MMP2: variants seen among roughly 807,000 people sequenced by gnomAD.
The protein encoded by MMP2 is matrix metallopeptidase 2.
In MMP2, 39 loss-of-function variants were observed where a neutral mutation model predicts 74.8. The observed-to-expected ratio is 0.52, with a 90% CI of 0.40 to 0.68. The LOEUF is 0.68. Among genes scored for constraint, MMP2 ranks in the 30% least tolerant of loss-of-function variants. The pLI, the probability that MMP2 is intolerant of heterozygous loss-of-function variation, is 0.00. For synonymous variants in MMP2, 367 were observed against 339.8 expected (o/e 1.08, Z -0.88); for missense variants, 803 against 878.3 (o/e 0.91, Z 1.08).
chr16:55,481,785 G>A, intron 1 of MMP2: 1 of 720,794 alleles, frequency 1.4e-6, no homozygotes. Context: ...ATGATGTTAG[G>A]CAAGTGACTT....
intron 12 of MMP2, among the ~76,000 whole-genome samples, chr16:55,503,482 G>T (rs1401668714): frequency 6.6e-6 from 1 of 151,626 alleles, no homozygotes; most frequent in Admixed American, 6.6e-5. Context: ...TTTTAGAGGA[G>T]ATTTCAACTA....
At chr16:55,500,545 G>A (rs538575526) in intron 11 of MMP2, among the ~76,000 whole-genome samples, 2 of 66,966 alleles carry the variant, frequency 3.0e-5, no homozygotes, top group Admixed American at 1.4e-4. Context: ...ACACAGGCAT[G>A]GAGGTTGTGG....
rs1363750339 is a variant in MMP2, at chr16:55,488,518, C to A, written c.833-25C>A. 3 of 1,609,488 alleles carry A rather than the reference C, an allele frequency of 1.9e-6. No homozygotes were observed. The South Asian group carries it at 3.3e-5, about 18-fold the overall frequency. On this transcript the variant is annotated intron_variant, in intron 5 of 12. Coordinates refer to ENST00000219070, the MANE Select transcript of MMP2 (RefSeq NM_004530.6). ...CCATGGAAGCATGTCTCATTCACAT[C>A]CTTCCCTCTCTCCCCCACCCTTAGC...
At position 55,481,967 on chromosome 16, in the gene MMP2, A is replaced by G. The variant is rs573003914; in HGVS notation, c.154-942A>G. The G allele has an allele frequency of 2.4e-5, 15 of 631,940 alleles. No homozygotes were observed. In the African/African-American group the frequency reaches 2.8e-4, roughly 12 times the overall value. 39.1% of individuals were successfully genotyped at this position (631,940 alleles called of 1,614,324 possible). A position where few individuals can be genotyped will look rare whatever the true frequency, so the allele number is the denominator to read the frequency against. Reference sequence around the variant, plus strand: ...TTCCCCTTTCCTAACTACTTCCAACAAGGCTAGGACCGTTGTCAGAAGATC... The same window carrying G: ...TTCCCCTTTCCTAACTACTTCCAACGAGGCTAGGACCGTTGTCAGAAGATC... On this transcript the variant is annotated intron_variant, in intron 1 of 12. Coordinates refer to ENST00000219070, the MANE Select transcript of MMP2 (RefSeq NM_004530.6).
At chr16:55,504,820 T>G (rs1962756748) in intron 12 of MMP2, among the ~76,000 whole-genome samples, 1 of 151,804 alleles carries the variant, frequency 6.6e-6, no homozygotes, top group East Asian at 2.0e-4. Flanking sequence ...GCCCGGCTAA[T>G]TTTTTGTATT....
At chr16:55,485,817 G>C (rs955830050) in intron 5 of MMP2, 40 bp downstream of exon 5, 2 of 1,605,088 alleles carry the variant, frequency 1.2e-6, no homozygotes, top group Non-Finnish European at 1.7e-6. Flanking sequence ...TCCACCCCAA[G>C]CCTCCAGCTT....
chr16:55,495,634 G>A (rs1193411153), intron 9 of MMP2, among the ~76,000 whole-genome samples: 2 of 152,186 alleles, frequency 1.3e-5, no homozygotes, highest in African/African-American at 4.8e-5. Flanking sequence ...AATAAAAATT[G>A]TGACACCTTC....
intron 9 of MMP2, among the ~76,000 whole-genome samples, chr16:55,496,497 A>G (rs1962532047): frequency 6.6e-6 from 1 of 152,220 alleles, no homozygotes; most frequent in Non-Finnish European, 1.5e-5. Context: ...CTTACTCTTG[A>G]CAAAGTACAC....
intron 5 of MMP2, chr16:55,487,205 C>T (rs1169503873): frequency 6.6e-6 from 1 of 152,164 alleles, no homozygotes; most frequent in African/African-American, 2.4e-5. Flanking sequence ...TTACTTTGTG[C>T]TTAGCCAGAT....
intron 12 of MMP2, among the ~76,000 whole-genome samples, chr16:55,503,863 A>C (rs973064497): frequency 6.6e-6 from 1 of 152,164 alleles, no homozygotes; most frequent in Admixed American, 6.5e-5. Flanking sequence ...GGGCAAGATT[A>C]GGGGCCTAGG....
intron 7 of MMP2, 95 bp from the exon 8 acceptor site, chr16:55,491,706 C>A: frequency 7.2e-7 from 1 of 1,382,100 alleles, no homozygotes; most frequent in Non-Finnish European, 1.0e-6. Context: ...TACTGTGGGG[C>A]TGTCCTCAAA....
chr16:55,485,415 G>A lies in MMP2; in HGVS notation c.646G>A (p.Gly216Arg), dbSNP rs747375981. 6.2e-7 allele frequency: 1 copy of A among 1,614,002 alleles called. No homozygotes were observed. The highest frequency in any genetic ancestry group is 1.3e-5 in the African/African-American group (1 of 74,904). ...TGATGACGATGAGCTATGGACCTTGGGAGAAGGCCAAGGTGAGAAAGGGGC... is the reference window on the plus strand; with the variant it reads ...TGATGACGATGAGCTATGGACCTTGAGAGAAGGCCAAGGTGAGAAAGGGGC... ...HFDDDELWTL[G>R]EGQVVRVKYG... The change falls in exon 4 of 13, where the codon GGA becomes AGA. Residue 216 changes from glycine to arginine, a missense_variant. Gly to Arg is a moderately radical substitution (Grantham distance 125). Coordinates refer to ENST00000219070, the MANE Select transcript of MMP2 (RefSeq NM_004530.6).
rs529871896 is a variant in MMP2, at chr16:55,485,707, T to C, written c.762T>C (p.Asp254=). 2.5e-6 allele frequency: 4 copies of C among 1,614,154 alleles called. No homozygotes were observed. Among genetic ancestry groups the C allele is most frequent in the South Asian group, 2.2e-5 (2 of 91,082 alleles). ...YNSCTDTGRS[D]GFLWCSTTYN... ...GCTGCACTGATACCGGCCGCAGCGA[T>C]GGCTTCCTCTGGTGCTCCACCACCT... The change falls in exon 5 of 13, where the codon GAT becomes GAC. Residue 254 remains aspartate, a synonymous_variant. Transcript: ENST00000219070.
intron 5 of MMP2, 71 bp from the exon 6 acceptor site, chr16:55,488,472 G>A (rs1962312524): frequency 1.3e-6 from 2 of 1,494,630 alleles, no homozygotes; most frequent in East Asian, 2.4e-5. Context: ...CCGGCAGGTG[G>A]GCAGCCAGCC....
chr16:55,479,688 G>C, intron 1 of MMP2, 56 bp downstream of exon 1: 1 of 1,609,796 alleles, frequency 6.2e-7, no homozygotes, highest in Non-Finnish European at 8.5e-7. Flanking sequence ...CGGAGGCAAA[G>C]GATGGGGGTG....
intron 10 of MMP2, 53 bp downstream of exon 10, chr16:55,497,115 G>A: frequency 6.2e-7 from 1 of 1,612,240 alleles, no homozygotes. Context: ...CTCTGCACCA[G>A]GGCTCCTGGG....
rs1330380249 is a variant in MMP2, at chr16:55,479,557, C to T, written c.78C>T (p.His26=). 6.2e-7 allele frequency: 1 copy of T among 1,612,630 alleles called. No homozygotes were observed. The highest frequency in any genetic ancestry group is 1.3e-5 in the African/African-American group (1 of 75,058). ...ALCLLGCLLS[H]AAAAPSPIIK... ...GTCTCCTGGGCTGCCTGCTGAGCCA[C>T]GCCGCCGCCGCGCCGTCGCCCATCA... Residue 26 remains histidine, a synonymous_variant, in exon 1 of 13, where the codon CAC becomes CAT. Coordinates refer to ENST00000219070, the MANE Select transcript of MMP2 (RefSeq NM_004530.6).
At chr16:55,496,852 T>G in intron 9 of MMP2, 74 bp from the exon 10 acceptor site, 1 of 1,593,298 alleles carries the variant, frequency 6.3e-7, no homozygotes, top group Non-Finnish European at 8.5e-7. Context: ...TCTGGGTGGG[T>G]TTGGGGGTGT....
At chr16:55,488,993 C>A (rs1418815183) in intron 6 of MMP2, among the ~76,000 whole-genome samples, 1 of 152,186 alleles carries the variant, frequency 6.6e-6, no homozygotes, top group Non-Finnish European at 1.5e-5. Context: ...GACCGACCTG[C>A]ATCCCTTTTC....
Sources: allele counts gnomAD v4.1 joint callset (sites outside exome capture counted in the v4.1 genomes callset), GRCh38; gene constraint gnomAD v4.1.1; transcripts MANE v1.5; gene names NCBI Gene and HGNC (gene_info 2026-07-23, HGNC 2026-07-21).